Variants in PPA2 observed in about 807,000 individuals in gnomAD.
PPA2 encodes inorganic pyrophosphatase 2, mitochondrial.
In PPA2, 48 loss-of-function variants were observed where a neutral mutation model predicts 49.5. That is an observed-to-expected ratio of 0.97 (90% CI 0.77 to 1.23). The LOEUF is 1.23. Ranked by LOEUF, PPA2 falls within the 50% of genes most tolerant of loss-of-function variation. The probability of loss-of-function intolerance (pLI) is 0.00; values close to 1 mark genes in which losing one functional copy is unlikely to be tolerated. For synonymous variants in PPA2, 131 were observed against 139.9 expected, an observed-to-expected ratio of 0.94 and a Z score of 0.45; for missense variants, 429 against 410.1, an observed-to-expected ratio of 1.05 and a Z score of -0.40.
chr4:105,406,755 C>T (rs1722493991), intron 7 of PPA2, among the ~76,000 whole-genome samples: 1 of 152,206 alleles, frequency 6.6e-6, no homozygotes, highest in African/African-American at 2.4e-5. Context: ...TTTCAATCCA[C>T]ATTTGGTTGA....
rs1373544146 is a variant in PPA2, at chr4:105,396,146, T to C, written c.869+103A>G. 4 of 649,176 alleles carry C rather than the reference T, an allele frequency of 6.2e-6. No homozygotes were observed. The South Asian group carries it at 1.0e-4, about 17-fold the overall frequency. The allele number at this position is 649,176 out of a possible 1,614,324, so 40.2% of individuals were successfully genotyped here. On this transcript the variant is annotated intron_variant, in intron 9 of 11. Coordinates refer to ENST00000341695, the MANE Select transcript of PPA2 (RefSeq NM_176869.3). ...CAATGAATAGGTAGATAATCTGTATTGTTTAAATTAAAAAAAATGCAAAAA... is the reference window on the plus strand; with the variant it reads ...CAATGAATAGGTAGATAATCTGTATCGTTTAAATTAAAAAAAATGCAAAAA...
In PPA2 at chr4:105,386,653, A is replaced by T. The variant is rs1304348643; in HGVS notation, c.870-17T>A. The T allele has an allele frequency of 1.9e-6, 3 of 1,605,860 alleles. No individual in the cohort carries two copies. The Admixed American group carries it at 5.0e-5, about 27-fold the overall frequency. ...ACGTTTGTGCTGGAGAGGAAAAGAGAATGTTATTATTAAACAGGATAAAAA... is the reference window on the plus strand; with the variant it reads ...ACGTTTGTGCTGGAGAGGAAAAGAGTATGTTATTATTAAACAGGATAAAAA... On this transcript the variant is annotated splice_polypyrimidine_tract_variant and intron_variant, in intron 9 of 11. Coordinates refer to ENST00000341695, the MANE Select transcript of PPA2 (RefSeq NM_176869.3).
intron 1 of PPA2, among the ~76,000 whole-genome samples, chr4:105,459,892 G>C (rs1045584508): frequency 5.9e-5 from 9 of 152,168 alleles, no homozygotes; most frequent in African/African-American, 2.2e-4. Context: ...GGTTGCCAGG[G>C]GCTGATGGTA....
chr4:105,440,362 A>T (rs1724294961), intron 5 of PPA2, among the ~76,000 whole-genome samples: 1 of 151,666 alleles, frequency 6.6e-6, no homozygotes, highest in Non-Finnish European at 1.5e-5. Context: ...CCTGGGTTCA[A>T]GCGATTCTCC....
At chr4:105,405,910 C>G (rs1436401137) in intron 7 of PPA2, 1 of 451,072 alleles carries the variant, frequency 2.2e-6, no homozygotes, top group Non-Finnish European at 4.4e-6. Context: ...GGCAGGATGA[C>G]TATGCGATTT....
chr4:105,381,565 T>C (rs897158448), intron 10 of PPA2, among the ~76,000 whole-genome samples: 7 of 152,054 alleles, frequency 4.6e-5, no homozygotes, highest in African/African-American at 1.7e-4. Flanking sequence ...TACAAGTTTA[T>C]TTAGGTTTTC....
intron 6 of PPA2, among the ~76,000 whole-genome samples, chr4:105,431,570 G>T (rs1468365787): frequency 1.3e-5 from 2 of 152,102 alleles, no homozygotes; most frequent in African/African-American, 2.4e-5. Context: ...ATATGACCCA[G>T]CAATTCCATT....
At position 105,369,567 on chromosome 4, in the gene PPA2, T is replaced by C. The variant is rs750321798; in HGVS notation, c.*158A>G. The C allele has an allele frequency of 4.5e-5, 29 of 642,156 alleles. No homozygotes were observed. The highest frequency in any genetic ancestry group is 6.6e-5 in the Non-Finnish European group (25 of 377,060). The allele number at this position is 642,156 out of a possible 1,614,324, so 39.8% of individuals were successfully genotyped here. A position where few individuals can be genotyped will look rare whatever the true frequency, so the allele number is the denominator to read the frequency against. On this transcript the variant is annotated 3_prime_UTR_variant, in exon 12 of 12. Coordinates refer to ENST00000341695, the MANE Select transcript of PPA2 (RefSeq NM_176869.3). ...AATAAATGTCCAAAGGAGAGTAATT[T>C]AAAATTCTTACTGTTTATTTATATA... is the stretch of plus-strand genomic sequence containing the variant.
At chr4:105,437,739 C>T (rs1192858891) in intron 6 of PPA2, among the ~76,000 whole-genome samples, 2 of 152,140 alleles carry the variant, frequency 1.3e-5, no homozygotes, top group Non-Finnish European at 1.5e-5. Flanking sequence ...TTTATAAAAA[C>T]AGGTGTTAGG....
At chr4:105,369,860 AC>A in intron 11 of PPA2, 107 bp from the exon 12 acceptor site, 1 of 1,026,574 alleles carries the variant, frequency 9.7e-7, no homozygotes. Context: ...TTAGGCAGAT[AC>A]AAACAGTCAT....
chr4:105,442,001 C>T (rs529560386), intron 5 of PPA2, among the ~76,000 whole-genome samples: 1 of 126,382 alleles, frequency 7.9e-6, no homozygotes, highest in African/African-American at 3.1e-5. Context: ...TTCCCACTAC[C>T]ATCACTTTTT....
chr4:105,381,733 A>T (rs57624740), intron 10 of PPA2, among the ~76,000 whole-genome samples: 129 of 152,088 alleles, frequency 8.5e-4, no homozygotes, highest in African/African-American at 3.0e-3. Context: ...AATTCTTGCT[A>T]TTTTTACTTG....
At chr4:105,406,114 C>CAAAAAAAAAAAAAAAAAAAAA (rs35468715) in intron 7 of PPA2, among the ~76,000 whole-genome samples, 3 of 97,588 alleles carry the variant, frequency 3.1e-5, no homozygotes, top group Non-Finnish European at 6.4e-5. Flanking sequence ...TATAAAACTT[C>CAAAAAAAAAAAAAAAAAAAAA]AAAAAAAAAA....
chr4:105,453,565 G>A (rs760375375), intron 3 of PPA2, 33 bp downstream of exon 3: 1 of 1,508,654 alleles, frequency 6.6e-7, no homozygotes. Flanking sequence ...CAATATAAAA[G>A]TGATTCACAA....
chr4:105,384,945 T>C (rs1733623094), intron 10 of PPA2, among the ~76,000 whole-genome samples: 1 of 152,118 alleles, frequency 6.6e-6, no homozygotes, highest in African/African-American at 2.4e-5. Flanking sequence ...ACATTTCCAA[T>C]CTCATCTCCT....
Position 105,393,874 on chromosome 4 carries a change from G to A in PPA2, c.869+2375C>T, listed in dbSNP as rs144485463. ...GGCAAAAGAAATAAAAACTAACAACGCTGAATATATTTCCAAATTAAGTTA... is the reference window on the plus strand; with the variant it reads ...GGCAAAAGAAATAAAAACTAACAACACTGAATATATTTCCAAATTAAGTTA... On this transcript the variant is annotated intron_variant, in intron 9 of 11. Coordinates refer to ENST00000341695, the MANE Select transcript of PPA2 (RefSeq NM_176869.3). Among the ~76,000 whole-genome samples, 774 of 152,094 alleles carry A rather than the reference G, an allele frequency of 5.1e-3. 7 individuals carry two copies. Among genetic ancestry groups the A allele is most frequent in the African/African-American group, 0.018 (744 of 41,518 alleles).
Position 105,449,331 on chromosome 4 carries a change from T to A in PPA2, c.321+19A>T, listed in dbSNP as rs772716879. 6.7e-7 allele frequency: 1 copy of A among 1,481,734 alleles called. No homozygotes were observed. The highest frequency in any genetic ancestry group is 1.9e-5 in the Admixed American group (1 of 52,354). 91.8% of individuals were successfully genotyped at this position (1,481,734 alleles called of 1,614,324 possible). Reference sequence around the variant, plus strand: ...CATTATAATCATTTCGGTTTCATATTAATAAAGTATATCGGTACCTCCATT... The same window carrying A: ...CATTATAATCATTTCGGTTTCATATAAATAAAGTATATCGGTACCTCCATT... On this transcript the variant is annotated intron_variant, in intron 4 of 11. Transcript: ENST00000341695.
At chr4:105,433,307 A>G (rs1168499224) in intron 6 of PPA2, among the ~76,000 whole-genome samples, 4 of 152,216 alleles carry the variant, frequency 2.6e-5, no homozygotes, top group African/African-American at 9.6e-5. Context: ...TTAAAAAAAC[A>G]CCAAACCTCT....
intron 7 of PPA2, among the ~76,000 whole-genome samples, chr4:105,418,760 G>T (rs1043973538): frequency 5.3e-5 from 8 of 152,158 alleles, no homozygotes; most frequent in Admixed American, 5.2e-4. Context: ...TCATTGCTCT[G>T]CAAGTTGAAA....
Sources: gnomAD v4.1 joint callset for allele counts (sites outside exome capture counted in the v4.1 genomes callset) on GRCh38, gnomAD v4.1.1 for gene constraint, MANE v1.5 for transcripts, NCBI Gene and HGNC (gene_info 2026-07-23, HGNC 2026-07-21) for gene names.